The following POPDC1 variants were observed in gnomAD, a reference collection of about 807,000 sequenced individuals.
POPDC1 encodes the protein popeye domain cAMP effector 1.
At chr6:105,127,988 G>A in the POPDC1 span, among the ~76,000 whole-genome samples, 5 of 152,320 alleles carry the variant, frequency 3.3e-5, no homozygotes, top group African/African-American at 1.2e-4. Flanking sequence ...TTAAACTCCT[G>A]ACCTCAGATG....
At chr6:105,120,908 T>C in the POPDC1 span, among the ~76,000 whole-genome samples, 3 of 152,234 alleles carry the variant, frequency 2.0e-5, no homozygotes, top group Non-Finnish European at 4.4e-5. Flanking sequence ...ATTCCACTGA[T>C]GCTTATTGAG....
the POPDC1 span, chr6:105,100,550 A>ATATG: frequency 2.6e-4 from 2 of 7,580 alleles, no homozygotes; most frequent in Admixed American, 3.5e-3. Flanking sequence ...ATGTATATAT[A>ATATG]TGTATATATA....
the POPDC1 span, among the ~76,000 whole-genome samples, chr6:105,117,471 C>T: frequency 6.6e-6 from 1 of 152,138 alleles, no homozygotes; most frequent in South Asian, 2.1e-4. Context: ...CAGACATCCC[C>T]AAATTAGCTC....
chr6:105,115,686 G>A, the POPDC1 span: 3 of 1,613,982 alleles, frequency 1.9e-6, no homozygotes, highest in Non-Finnish European at 2.5e-6. Flanking sequence ...GATAACTTAC[G>A]AAGAGAGGAC....
chr6:105,104,856 A>G, the POPDC1 span, among the ~76,000 whole-genome samples: 175 of 152,330 alleles, frequency 1.1e-3, 4 homozygotes, highest in East Asian at 0.03. Context: ...TGTTGGGGAA[A>G]TAAAAAGGAA....
chr6:105,116,812 T>C, the POPDC1 span: 1 of 1,612,342 alleles, frequency 6.2e-7, no homozygotes, highest in South Asian at 1.1e-5. Flanking sequence ...GAAAGTATGT[T>C]AATCTTTCTC....
chr6:105,118,722 T>C, the POPDC1 span, among the ~76,000 whole-genome samples: 1 of 152,228 alleles, frequency 6.6e-6, no homozygotes, highest in Non-Finnish European at 1.5e-5. Context: ...ACTTTGTATA[T>C]GTACTTTTAA....
At chr6:105,112,939 CT>C in the POPDC1 span, among the ~76,000 whole-genome samples, 1 of 147,670 alleles carries the variant, frequency 6.8e-6, no homozygotes. Flanking sequence ...TTTTTCTTTT[CT>C]TTTTTTTTTG....
chr6:105,105,541 G>T, the POPDC1 span, among the ~76,000 whole-genome samples: 14 of 152,330 alleles, frequency 9.2e-5, no homozygotes, highest in African/African-American at 3.1e-4. Context: ...GGCCTCATCA[G>T]GAGACTTACT....
the POPDC1 span, chr6:105,097,019 T>C: frequency 6.5e-6 from 1 of 152,680 alleles, no homozygotes; most frequent in South Asian, 2.1e-4. Context: ...TAAAACTAGG[T>C]TGCAAGTATA....
the POPDC1 span, among the ~76,000 whole-genome samples, chr6:105,130,094 A>G: frequency 2.6e-5 from 4 of 152,076 alleles, no homozygotes; most frequent in African/African-American, 7.2e-5. Context: ...TTTAAAGGGG[A>G]AAAATCCATA....
the POPDC1 span, among the ~76,000 whole-genome samples, chr6:105,103,428 T>C: frequency 6.6e-6 from 1 of 152,066 alleles, no homozygotes; most frequent in Non-Finnish European, 1.5e-5. Flanking sequence ...TGGGTTTGTG[T>C]TTCTCAATCT....
the POPDC1 span, among the ~76,000 whole-genome samples, chr6:105,122,469 T>C: frequency 6.6e-6 from 1 of 152,220 alleles, no homozygotes; most frequent in East Asian, 1.9e-4. Flanking sequence ...GTTGACTTAA[T>C]TATAAATACA....
chr6:105,101,229 G>C, the POPDC1 span: 1 of 1,596,962 alleles, frequency 6.3e-7, no homozygotes, highest in Admixed American at 1.8e-5. Context: ...GAAAGATACA[G>C]GAGGGAAAAC....
chr6:105,115,194 C>G, the POPDC1 span, among the ~76,000 whole-genome samples: 6 of 152,380 alleles, frequency 3.9e-5, no homozygotes, highest in East Asian at 1.2e-3. Context: ...TCACGCCATT[C>G]TCCTGCCTCA....
the POPDC1 span, chr6:105,116,623 C>T: frequency 8.1e-7 from 1 of 1,235,044 alleles, no homozygotes; most frequent in Non-Finnish European, 1.1e-6. Flanking sequence ...ACTAAAAATT[C>T]AGGAAAACAT....
the POPDC1 span, chr6:105,125,482 A>G: frequency 6.2e-7 from 1 of 1,614,188 alleles, no homozygotes; most frequent in Admixed American, 1.7e-5. Flanking sequence ...TGGATCATGC[A>G]AAACTGTCCA....
the POPDC1 span, among the ~76,000 whole-genome samples, chr6:105,106,521 T>C: frequency 2.6e-5 from 4 of 152,206 alleles, no homozygotes; most frequent in South Asian, 2.1e-4. Flanking sequence ...TCCTGCCAGA[T>C]GGCAGGGGGT....
At chr6:105,106,363 C>T in the POPDC1 span, among the ~76,000 whole-genome samples, 2 of 152,196 alleles carry the variant, frequency 1.3e-5, no homozygotes, top group Non-Finnish European at 2.9e-5. Context: ...CTGCCACACT[C>T]GCAGTATGTT....
Sources: gnomAD v4.1 joint callset for allele counts (sites outside exome capture counted in the v4.1 genomes callset) on GRCh38, gnomAD v4.1.1 for gene constraint, MANE v1.5 for transcripts, NCBI Gene and HGNC (gene_info 2026-07-23, HGNC 2026-07-21) for gene names.